Variants in TMEM132B observed in about 807,000 individuals in gnomAD.
TMEM132B encodes the protein transmembrane protein 132B.
A neutral mutation model predicts 90.8 loss-of-function variants in TMEM132B; 18 were observed. The ratio of observed to expected loss-of-function variants is 0.20; its 90% CI spans 0.14 to 0.29. TMEM132B has a LOEUF of 0.29. Among genes scored for constraint, TMEM132B ranks in the 10% least tolerant of loss-of-function variants. The pLI is 1.00. For missense variants in TMEM132B, 1,096 were observed against 1,326.8 expected (o/e 0.83, Z 2.70); for synonymous variants, 504 against 523.3 (o/e 0.96, Z 0.50).
intron 3 of TMEM132B, among the ~76,000 whole-genome samples, chr12:125,505,017 A>G (rs957462063): frequency 6.6e-6 from 1 of 152,084 alleles, no homozygotes; most frequent in Non-Finnish European, 1.5e-5. Flanking sequence ...TTAACTCCCT[A>G]TTTAATAAAA....
intron 3 of TMEM132B, among the ~76,000 whole-genome samples, chr12:125,474,755 A>T (rs1881825560): frequency 6.6e-6 from 1 of 152,186 alleles, no homozygotes. Flanking sequence ...AGCTGGATCC[A>T]GGGGGACCTG....
intron 1 of TMEM132B, among the ~76,000 whole-genome samples, chr12:125,313,647 C>T (rs1435749577): frequency 1.8e-4 from 17 of 91,932 alleles, no homozygotes; most frequent in Admixed American, 1.2e-3. Flanking sequence ...CTCTCCTCCC[C>T]CACCTTTCCT....
chr12:125,401,060 G>A (rs1879307072), intron 2 of TMEM132B, among the ~76,000 whole-genome samples: 1 of 152,178 alleles, frequency 6.6e-6, no homozygotes, highest in Non-Finnish European at 1.5e-5. Flanking sequence ...ATGCTTGAAA[G>A]TTTGAGAGCC....
intron 3 of TMEM132B, among the ~76,000 whole-genome samples, chr12:125,512,627 A>G (rs1883010090): frequency 6.6e-6 from 1 of 152,198 alleles, no homozygotes. Context: ...GAGTCCTAAA[A>G]GATAAGTCCC....
chr12:125,330,715 AT>A (rs1876741631), intron 1 of TMEM132B, among the ~76,000 whole-genome samples: 2 of 152,172 alleles, frequency 1.3e-5, no homozygotes, highest in Admixed American at 1.3e-4. Flanking sequence ...TTGAAAAAAA[AT>A]TCACAGGCAA....
intron 4 of TMEM132B, among the ~76,000 whole-genome samples, chr12:125,530,730 A>G (rs1055160409): frequency 5.9e-5 from 9 of 152,134 alleles, no homozygotes; most frequent in African/African-American, 1.9e-4. Context: ...TTGTCATCAC[A>G]TAAGCTGTGT....
At chr12:125,302,288 C>T (rs900682764) in intron 1 of TMEM132B, among the ~76,000 whole-genome samples, 2 of 151,742 alleles carry the variant, frequency 1.3e-5, no homozygotes, top group Non-Finnish European at 2.9e-5. Context: ...TCACCTGATC[C>T]CAGGAGGTGG....
chr12:125,450,065 G>T (rs931016202), intron 3 of TMEM132B, among the ~76,000 whole-genome samples: 3 of 152,130 alleles, frequency 2.0e-5, no homozygotes, highest in Non-Finnish European at 4.4e-5. Context: ...TGTGTATGTG[G>T]ATTTGTACAT....
intron 3 of TMEM132B, among the ~76,000 whole-genome samples, chr12:125,491,938 G>C (rs1438793027): frequency 6.6e-6 from 1 of 152,202 alleles, no homozygotes; most frequent in Non-Finnish European, 1.5e-5. Context: ...TGGAAATGCC[G>C]ATATCCTTCT....
intron 1 of TMEM132B, among the ~76,000 whole-genome samples, chr12:125,192,904 T>C (rs907486989): frequency 1.3e-5 from 2 of 152,182 alleles, no homozygotes; most frequent in African/African-American, 4.8e-5. Context: ...AGTTTTCCCA[T>C]CTGTAAAATG....
intron 5 of TMEM132B, among the ~76,000 whole-genome samples, chr12:125,640,011 G>A (rs1056825291): frequency 6.6e-6 from 1 of 152,116 alleles, no homozygotes; most frequent in Non-Finnish European, 1.5e-5. Flanking sequence ...CTTAGCTTCC[G>A]GGGTCAGTCT....
intron 3 of TMEM132B, among the ~76,000 whole-genome samples, chr12:125,438,351 A>G (rs1880761572): frequency 6.6e-6 from 1 of 152,208 alleles, no homozygotes; most frequent in South Asian, 2.1e-4. Context: ...AAGCTAAAGC[A>G]CCCACTTCTA....
At chr12:125,264,330 C>G (rs1874637416) in intron 1 of TMEM132B, among the ~76,000 whole-genome samples, 4 of 152,302 alleles carry the variant, frequency 2.6e-5, no homozygotes, top group African/African-American at 4.8e-5. Flanking sequence ...TGTGCAGAGT[C>G]CCATTTGTCT....
chr12:125,497,968 G>C (rs1487087521), intron 3 of TMEM132B, among the ~76,000 whole-genome samples: 3 of 152,162 alleles, frequency 2.0e-5, no homozygotes, highest in Non-Finnish European at 4.4e-5. Flanking sequence ...AAAGGACTCT[G>C]CTCGTTGTTG....
intron 5 of TMEM132B, among the ~76,000 whole-genome samples, chr12:125,641,596 T>C (rs1171352696): frequency 6.6e-6 from 1 of 152,224 alleles, no homozygotes; most frequent in Non-Finnish European, 1.5e-5. Context: ...CCTCTTACTT[T>C]GTTATGTTTT....
At position 125,459,341 on chromosome 12, in the gene TMEM132B, T is replaced by C. The variant is rs1206533607; in HGVS notation, c.1106+43664T>C. Among the ~76,000 whole-genome samples, 1 of 152,126 alleles carries C rather than the reference T, an allele frequency of 6.6e-6. No homozygotes were observed. Among genetic ancestry groups the C allele is most frequent in the Non-Finnish European group, 1.5e-5 (1 of 68,016 alleles). ...TGTTATCCTGCATGCTTGTCTAGGGTCTTGCTGACGAGGGCACGTTTTCTA... is the reference window on the plus strand; with the variant it reads ...TGTTATCCTGCATGCTTGTCTAGGGCCTTGCTGACGAGGGCACGTTTTCTA... On this transcript the variant is annotated intron_variant, in intron 3 of 8. Transcript: ENST00000682704. This position sits in a 1 kb window ranked among gnomAD's most constrained non-coding sequence, Gnocchi z 4.1.
At chr12:125,575,580 A>G (rs78304240) in intron 4 of TMEM132B, among the ~76,000 whole-genome samples, 1 of 151,980 alleles carries the variant, frequency 6.6e-6, no homozygotes. Context: ...AGTACAATTT[A>G]TCTATTTTTC....
chr12:125,462,328 G>A (rs1881458490), intron 3 of TMEM132B, among the ~76,000 whole-genome samples: 1 of 152,212 alleles, frequency 6.6e-6, no homozygotes, highest in Admixed American at 6.5e-5. Context: ...GAATAATTTT[G>A]TTTGTATTCA....
chr12:125,451,882 T>C (rs774822131), intron 3 of TMEM132B, among the ~76,000 whole-genome samples: 2 of 152,238 alleles, frequency 1.3e-5, no homozygotes, highest in Non-Finnish European at 2.9e-5. Flanking sequence ...CTTTAATTCA[T>C]GTTCAGGGAC....
Sources: allele counts gnomAD v4.1 joint callset (sites outside exome capture counted in the v4.1 genomes callset), GRCh38; gene constraint gnomAD v4.1.1; non-coding constraint Gnocchi (gnomAD v3.1); transcripts MANE v1.5; gene names NCBI Gene and HGNC (gene_info 2026-07-23, HGNC 2026-07-21).